Variants in NCOA2 observed in about 807,000 individuals in gnomAD.
NCOA2 encodes nuclear receptor coactivator 2, also known as class E basic helix-loop-helix protein 75.
NCOA2 carries 21 observed loss-of-function variants against 145.1 expected under a neutral mutation model. That is an observed-to-expected ratio of 0.14 (90% CI 0.10 to 0.21). The LOEUF is 0.21. NCOA2 is among the 10% of genes least tolerant of loss of function. The pLI is 1.00. For missense variants in NCOA2, 1,472 were observed against 1,837.6 expected (o/e 0.80, Z 3.64); for synonymous variants, 619 against 637.5 (o/e 0.97, Z 0.44).
At chr8:70,265,615 T>C (rs1215708122) in intron 2 of NCOA2, among the ~76,000 whole-genome samples, 1 of 152,202 alleles carries the variant, frequency 6.6e-6, no homozygotes, top group East Asian at 1.9e-4. Context: ...ACTGACTTCC[T>C]CTTCTTCAAA....
At chr8:70,390,953 T>C (rs1813146049) in intron 1 of NCOA2, among the ~76,000 whole-genome samples, 1 of 152,174 alleles carries the variant, frequency 6.6e-6, no homozygotes, top group Non-Finnish European at 1.5e-5. Flanking sequence ...AAAGTGAGAA[T>C]GAACCCCTAT....
intron 4 of NCOA2, among the ~76,000 whole-genome samples, chr8:70,183,023 T>A (rs1341000058): frequency 6.6e-6 from 1 of 152,214 alleles, no homozygotes; most frequent in Admixed American, 6.5e-5. Context: ...GCATCTCTAT[T>A]TGTATCTTCC....
At chr8:70,429,668 C>T in the NCOA2 span, among the ~76,000 whole-genome samples, 1 of 152,098 alleles carries the variant, frequency 6.6e-6, no homozygotes, top group African/African-American at 2.4e-5. Context: ...CATAATTAAC[C>T]ATAAATGGAG....
chr8:70,173,847 C>T (rs1344444676), intron 5 of NCOA2, among the ~76,000 whole-genome samples: 1 of 151,300 alleles, frequency 6.6e-6, no homozygotes, highest in Non-Finnish European at 1.5e-5. Flanking sequence ...CTTTAAGCAT[C>T]AACTGAAAAA....
intron 2 of NCOA2, among the ~76,000 whole-genome samples, chr8:70,227,394 T>C (rs1017249098): frequency 6.6e-6 from 1 of 152,226 alleles, no homozygotes; most frequent in Admixed American, 6.5e-5. Flanking sequence ...TTATAGGCTG[T>C]TTTGGCAGTG....
intron 1 of NCOA2, among the ~76,000 whole-genome samples, chr8:70,346,725 G>A (rs1051972856): frequency 2.6e-5 from 4 of 152,170 alleles, no homozygotes; most frequent in African/African-American, 7.2e-5. Context: ...GGAAAGAGTA[G>A]AAGTTAGAGA....
At chr8:70,417,877 A>G in the NCOA2 span, among the ~76,000 whole-genome samples, 1 of 152,200 alleles carries the variant, frequency 6.6e-6, no homozygotes, top group Non-Finnish European at 1.5e-5. Flanking sequence ...AAATCATTCC[A>G]GCAGTACATT....
chr8:70,268,273 A>G (rs1824772027), intron 2 of NCOA2, among the ~76,000 whole-genome samples: 1 of 152,170 alleles, frequency 6.6e-6, no homozygotes, highest in Non-Finnish European at 1.5e-5. Flanking sequence ...TGTTTCAGCT[A>G]CTTGAGAAGT....
At chr8:70,129,457 A>G (rs935163169) in intron 16 of NCOA2, among the ~76,000 whole-genome samples, 14 of 152,206 alleles carry the variant, frequency 9.2e-5, no homozygotes, top group African/African-American at 3.4e-4. Flanking sequence ...TAAAAAAATG[A>G]GACTTAAAGA....
intron 7 of NCOA2, among the ~76,000 whole-genome samples, chr8:70,164,799 A>G (rs1813430144): frequency 1.3e-5 from 2 of 151,818 alleles, no homozygotes; most frequent in Non-Finnish European, 2.9e-5. Context: ...AATAACAACT[A>G]AATTTTTGGG....
At chr8:70,267,547 G>C (rs955006503) in intron 2 of NCOA2, among the ~76,000 whole-genome samples, 2 of 151,902 alleles carry the variant, frequency 1.3e-5, no homozygotes, top group African/African-American at 4.8e-5. Context: ...ACTGGCATAC[G>C]TCACCATGCC....
At chr8:70,221,648 G>A (rs1178736383) in intron 2 of NCOA2, among the ~76,000 whole-genome samples, 2 of 152,114 alleles carry the variant, frequency 1.3e-5, no homozygotes, top group Non-Finnish European at 2.9e-5. Context: ...TTAATTGGTC[G>A]AAATTACCCA....
Position 70,141,262 on chromosome 8 carries a change from G to A in NCOA2, c.2950C>T (p.Pro984Ser), listed in dbSNP as rs754874155. 6.2e-7 allele frequency: 1 copy of A among 1,613,888 alleles called. No individual in the cohort carries two copies. The highest frequency in any genetic ancestry group is 8.5e-7 in the Non-Finnish European group (1 of 1,179,874). Residue 984 changes from proline to serine, a missense_variant, in exon 14 of 23, where the codon CCA (proline) becomes TCA (serine). Physicochemically the swap from Pro to Ser is moderately conservative, Grantham distance 74. This residue lies in a region of NCOA2 where 953 missense variants were observed against 1,062.1 expected (regional missense o/e 0.90). Transcript: ENST00000452400. Reference protein sequence around the residue: ...RPVQGGMIRNPAASIPMRPSS... With the variant: ...RPVQGGMIRNSAASIPMRPSS... Reference sequence around the variant, plus strand: ...GGCCTCATGGGGATGCTGGCTGCTGGGTTCCGAATCATACCTCCTTGGACT... The same window carrying A: ...GGCCTCATGGGGATGCTGGCTGCTGAGTTCCGAATCATACCTCCTTGGACT...
At chr8:70,432,669 TAAATAAATAA>T in the NCOA2 span, among the ~76,000 whole-genome samples, 3 of 151,848 alleles carry the variant, frequency 2.0e-5, no homozygotes, top group Non-Finnish European at 4.4e-5. Flanking sequence ...TCTCAAAAAA[TAAATAAATAA>T]AAATAAATAA....
At chr8:70,195,021 CA>C (rs2133358056) in intron 4 of NCOA2, among the ~76,000 whole-genome samples, 1 of 152,250 alleles carries the variant, frequency 6.6e-6, no homozygotes, top group Non-Finnish European at 1.5e-5. Flanking sequence ...AGTCTAGACC[CA>C]AACCTAGGTT....
chr8:70,377,962 C>T (rs1489669051), intron 1 of NCOA2, among the ~76,000 whole-genome samples: 2 of 152,288 alleles, frequency 1.3e-5, no homozygotes, highest in East Asian at 1.9e-4. Flanking sequence ...TAGACTGATA[C>T]TGGCCTAATT....
At chr8:70,273,702 C>A in intron 2 of NCOA2, 1 of 638,582 alleles carries the variant, frequency 1.6e-6, no homozygotes. Flanking sequence ...GGCAGTCTGA[C>A]TAGTTTAAGG....
At chr8:70,280,812 A>G (rs1461622342) in intron 2 of NCOA2, among the ~76,000 whole-genome samples, 1 of 152,084 alleles carries the variant, frequency 6.6e-6, no homozygotes, top group Non-Finnish European at 1.5e-5. Flanking sequence ...ATAGAAATCC[A>G]TTCTACCCCT....
intron 2 of NCOA2, among the ~76,000 whole-genome samples, chr8:70,235,747 G>C (rs1363270527): frequency 6.6e-6 from 1 of 152,156 alleles, no homozygotes; most frequent in African/African-American, 2.4e-5. Context: ...GGGAGGCTGA[G>C]GCAGGAGGAT....
Sources: allele counts gnomAD v4.1 joint callset (sites outside exome capture counted in the v4.1 genomes callset), GRCh38; gene constraint gnomAD v4.1.1; regional missense constraint gnomAD v4.1.1; transcripts MANE v1.5; gene names NCBI Gene and HGNC (gene_info 2026-07-23, HGNC 2026-07-21).